The following KLRD1 variants were observed in gnomAD, a reference collection of about 807,000 sequenced individuals.
KLRD1 encodes the protein natural killer cells antigen CD94.
A neutral mutation model predicts 22.6 loss-of-function variants in KLRD1; 21 were observed. The observed-to-expected ratio is 0.93, with a 90% CI of 0.66 to 1.34. The LOEUF (loss-of-function observed/expected upper bound fraction) is 1.34, where lower values mean the gene tolerates loss of function less well. Among genes scored for constraint, KLRD1 ranks in the 40% most tolerant of loss-of-function variants. KLRD1 has a pLI of 0.00. For synonymous variants in KLRD1, 59 were observed against 71.1 expected, an observed-to-expected ratio of 0.83 and a Z score of 0.85; for missense variants, 183 against 208.6, an observed-to-expected ratio of 0.88 and a Z score of 0.76.
chr12:10,284,896 G>T (rs1337913354), intron 1 of KLRD1, among the ~76,000 whole-genome samples: 1 of 152,050 alleles, frequency 6.6e-6, no homozygotes, highest in Non-Finnish European at 1.5e-5. Context: ...CAGGAGAATT[G>T]CTTGAACCTG....
At chr12:10,258,688 C>CA (rs1949421828) in intron 1 of KLRD1, among the ~76,000 whole-genome samples, 1 of 152,084 alleles carries the variant, frequency 6.6e-6, no homozygotes, top group African/African-American at 2.4e-5. Context: ...ATATATGTCT[C>CA]AGGGGGAGGA....
intron 4 of KLRD1, among the ~76,000 whole-genome samples, chr12:10,312,523 C>G (rs1369320827): frequency 6.6e-6 from 1 of 151,566 alleles, no homozygotes; most frequent in Non-Finnish European, 1.5e-5. Context: ...GGACTACAGG[C>G]GCCCACAACC....
At chr12:10,263,224 A>C (rs1242750509) in intron 1 of KLRD1, among the ~76,000 whole-genome samples, 1 of 152,034 alleles carries the variant, frequency 6.6e-6, no homozygotes, top group African/African-American at 2.4e-5. Context: ...AAACACCCCC[A>C]AAGCATACCT....
At chr12:10,281,173 G>T (rs1484416577) in intron 1 of KLRD1, among the ~76,000 whole-genome samples, 1 of 152,136 alleles carries the variant, frequency 6.6e-6, no homozygotes, top group African/African-American at 2.4e-5. Context: ...TTTGAGTACA[G>T]AAAAGGAGGA....
intron 1 of KLRD1, among the ~76,000 whole-genome samples, chr12:10,295,361 A>C (rs1949812192): frequency 6.6e-6 from 1 of 152,102 alleles, no homozygotes; most frequent in African/African-American, 2.4e-5. Flanking sequence ...TCCAGAGTGG[A>C]TTGGGAACAG....
At chr12:10,305,849 G>A (rs1278435544), upstream of KLRD1, among the ~76,000 whole-genome samples, 1 of 152,114 alleles carries the variant, frequency 6.6e-6, no homozygotes, top group Non-Finnish European at 1.5e-5. Context: ...TCATTCACCT[G>A]TCTACGTACA....
At chr12:10,283,361 T>C (rs533350492) in intron 1 of KLRD1, among the ~76,000 whole-genome samples, 6 of 152,294 alleles carry the variant, frequency 3.9e-5, no homozygotes, top group African/African-American at 1.2e-4. Context: ...AGCAGAATAG[T>C]GGTTACCAGG....
chr12:10,239,529 TTCTTTC>T (rs1565443358), intron 1 of KLRD1, among the ~76,000 whole-genome samples: 2 of 65,774 alleles, frequency 3.0e-5, no homozygotes, highest in Non-Finnish European at 5.8e-5. Flanking sequence ...CTTTCTTTCT[TTCTTTC>T]TTTCTTTCTT....
chr12:10,304,801 A>AAC (rs1278819061), upstream of KLRD1, among the ~76,000 whole-genome samples: 2 of 152,218 alleles, frequency 1.3e-5, no homozygotes, highest in African/African-American at 4.8e-5. Context: ...TTGCAAGCAA[A>AAC]ACACACTATA....
chr12:10,257,272 A>AT (rs959550514), intron 1 of KLRD1, among the ~76,000 whole-genome samples: 15 of 145,456 alleles, frequency 1.0e-4, no homozygotes, highest in African/African-American at 2.8e-4. Context: ...AAGATTCATG[A>AT]TTTTTTTTTA....
chr12:10,239,567 C>CTTTCTTTCTTTCTTTCTTTCTTTCTT (rs1949221682), intron 1 of KLRD1, among the ~76,000 whole-genome samples: 1 of 129,384 alleles, frequency 7.7e-6, no homozygotes, highest in Non-Finnish European at 1.6e-5. Context: ...TTCTTTCTTT[C>CTTTCTTTCTTTCTTTCTTTCTTTCTT]TTTCTTTCTT....
At chr12:10,240,781 T>A (rs1044293454) in intron 1 of KLRD1, among the ~76,000 whole-genome samples, 2 of 152,212 alleles carry the variant, frequency 1.3e-5, no homozygotes, top group African/African-American at 4.8e-5. Context: ...TTTAAGTCAG[T>A]ACATTTTCTG....
intron 1 of KLRD1, among the ~76,000 whole-genome samples, chr12:10,284,858 G>A (rs2617134): frequency 0.011 from 1,715 of 152,182 alleles, 41 homozygotes; most frequent in African/African-American, 0.039. Flanking sequence ...GTGCATGCCT[G>A]TAATCCCAGC....
intron 1 of KLRD1, among the ~76,000 whole-genome samples, chr12:10,295,141 G>A (rs1949810479): frequency 6.6e-6 from 1 of 152,150 alleles, no homozygotes; most frequent in African/African-American, 2.4e-5. Context: ...AAAACAGCAA[G>A]AAGAGAGAAT....
chr12:10,261,593 C>T (rs768685500), intron 1 of KLRD1, among the ~76,000 whole-genome samples: 1 of 152,070 alleles, frequency 6.6e-6, no homozygotes, highest in African/African-American at 2.4e-5. Context: ...GCAGCTCTGA[C>T]TATTTACAAA....
chr12:10,245,294 G>A (rs1372788926), intron 1 of KLRD1, among the ~76,000 whole-genome samples: 3 of 152,092 alleles, frequency 2.0e-5, no homozygotes, highest in Non-Finnish European at 4.4e-5. Context: ...GTAAGTGGAG[G>A]TTGCAATGAG....
chr12:10,257,144 T>C (rs199824911), intron 1 of KLRD1, among the ~76,000 whole-genome samples: 13 of 23,486 alleles, frequency 5.5e-4, no homozygotes, highest in East Asian at 1.2e-3. Context: ...CTTTTCTTTT[T>C]TTTTTTTTTT....
At chr12:10,274,205 G>A (rs7969664) in intron 1 of KLRD1, among the ~76,000 whole-genome samples, 133,149 of 152,042 alleles carry the variant, frequency 0.88, 59,004 homozygotes, top group Non-Finnish European at 0.94. Flanking sequence ...GCTTGAACCC[G>A]GGAGGCAGAG....
At chr12:10,293,269 C>T (rs1349620933) in intron 1 of KLRD1, among the ~76,000 whole-genome samples, 1 of 147,306 alleles carries the variant, frequency 6.8e-6, no homozygotes, top group African/African-American at 2.5e-5. Context: ...TTTGACTCAA[C>T]AGGCCTTTCG....
Sources: gnomAD v4.1 joint callset for allele counts (sites outside exome capture counted in the v4.1 genomes callset) on GRCh38, gnomAD v4.1.1 for gene constraint, MANE v1.5 for transcripts, NCBI Gene and HGNC (gene_info 2026-07-23, HGNC 2026-07-21) for gene names.